Variants in LMBRD2 observed in about 807,000 individuals in gnomAD.
LMBRD2 encodes the protein LMBR1 domain containing 2, also known as G protein-coupled receptor-associated protein LMBRD2.
Under a neutral mutation model 94.4 loss-of-function variants are expected in LMBRD2, and 55 were observed. The observed-to-expected ratio is 0.58, with a 90% CI of 0.47 to 0.73. The LOEUF is 0.73. Ranked by LOEUF, LMBRD2 falls within the 30% of genes least tolerant of loss-of-function variation. The pLI is 0.00. For missense variants in LMBRD2, 640 were observed against 831.9 expected, an observed-to-expected ratio of 0.77 and a Z score of 2.84; for synonymous variants, 246 against 272.4, an observed-to-expected ratio of 0.90 and a Z score of 0.95.
rs1047788407 is a variant in LMBRD2 at position 36,103,907 on chromosome 5, A to G, written c.*139T>C. On this transcript the variant is annotated 3_prime_UTR_variant, in exon 18 of 18. Coordinates refer to ENST00000296603, the MANE Select transcript of LMBRD2 (RefSeq NM_001007527.2). ...CACATTAAACTATTATTCCTAAGATATAATTAATTCTCAGTGCCTTTTTTG... is the reference window on the plus strand; with the variant it reads ...CACATTAAACTATTATTCCTAAGATGTAATTAATTCTCAGTGCCTTTTTTG... 7 of 595,982 alleles carry G rather than the reference A, an allele frequency of 1.2e-5. No homozygotes were observed. In the South Asian group the frequency reaches 1.4e-4, roughly 12 times the overall value. 36.9% of individuals were successfully genotyped at this position (595,982 alleles called of 1,614,324 possible).
chr5:36,103,873 T>G lies in LMBRD2; in HGVS notation c.*173A>C. On this transcript the variant is annotated 3_prime_UTR_variant, in exon 18 of 18. Coordinates refer to ENST00000296603, the MANE Select transcript of LMBRD2 (RefSeq NM_001007527.2). ...AATCTTGTTGAAAAAGGTGATACTC[T>G]ATTCAATGCACATTAAACTATTATT... 2.0e-6 allele frequency: 1 copy of G among 504,544 alleles called. No individual in the cohort carries two copies. The highest frequency in any genetic ancestry group is 3.6e-6 in the Non-Finnish European group (1 of 276,692). The allele number at this position is 504,544 out of a possible 1,614,324, so 31.3% of individuals were successfully genotyped here.
At chr5:36,109,217 T>C (rs1367001543) in intron 15 of LMBRD2, among the ~76,000 whole-genome samples, 1 of 152,130 alleles carries the variant, frequency 6.6e-6, no homozygotes, top group East Asian at 1.9e-4. Flanking sequence ...CCTTGCCAGA[T>C]GCTTTTTGGC....
Position 36,103,505 on chromosome 5 carries a change from C to T in LMBRD2, c.*541G>A, listed in dbSNP as rs1374189209. The T allele has an allele frequency of 6.6e-6, 1 of 152,214 alleles. No homozygotes were observed. The highest frequency in any genetic ancestry group is 2.4e-5 in the African/African-American group (1 of 41,376). The allele number at this position is 152,214 out of a possible 1,614,324, so 9.4% of individuals were successfully genotyped here. Reference sequence around the variant, plus strand: ...GTTTGCAAACAGATTTGAAAAAGCACTTTTTACATTCAGTTATGTCTAGTA... The same window carrying T: ...GTTTGCAAACAGATTTGAAAAAGCATTTTTTACATTCAGTTATGTCTAGTA... On this transcript the variant is annotated 3_prime_UTR_variant, in exon 18 of 18. Coordinates refer to ENST00000296603, the MANE Select transcript of LMBRD2 (RefSeq NM_001007527.2).
rs772687998 is a variant in LMBRD2 at position 36,143,243 on chromosome 5, A to G, written c.107T>C (p.Ile36Thr). The change falls in exon 2 of 18, where the codon ATT (isoleucine) becomes ACT (threonine). Residue 36 changes from isoleucine (I) to threonine (T), a missense_variant. Physicochemically the swap from Ile to Thr is moderately conservative, Grantham distance 89 (BLOSUM62 -1). Coordinates refer to ENST00000296603, the MANE Select transcript of LMBRD2 (RefSeq NM_001007527.2). ...DFKKQHRLVI[I>T]GTLLAWYLCF... Reference sequence around the variant, plus strand: ...GAGATACCAAGCAAGCAGTGTTCCAATAATCACAAGTCTATGCTGTTTCTT... The same window carrying G: ...GAGATACCAAGCAAGCAGTGTTCCAGTAATCACAAGTCTATGCTGTTTCTT... 5 of 1,613,202 alleles carry G rather than the reference A, an allele frequency of 3.1e-6. No individual in the cohort carries two copies. The South Asian group carries it at 5.5e-5, about 18-fold the overall frequency.
intron 4 of LMBRD2, among the ~76,000 whole-genome samples, chr5:36,139,748 C>T (rs755359203): frequency 6.6e-6 from 1 of 152,148 alleles, no homozygotes; most frequent in African/African-American, 2.4e-5. Context: ...GCTACCCACT[C>T]TGGGGCTCCT....
At chr5:36,108,500 A>G in intron 16 of LMBRD2, 34 bp downstream of exon 16, 1 of 1,158,466 alleles carries the variant, frequency 8.6e-7, no homozygotes, top group Non-Finnish European at 1.3e-6. Context: ...ATAAGAAAAC[A>G]ATTTCCAAGT....
Position 36,122,456 on chromosome 5 carries a change from T to A in LMBRD2, c.944A>T (p.Tyr315Phe), listed in dbSNP as rs969701244. The part of the protein sequence containing the change: ...SLVKLHKQVI[Y>F]SVQRHRRTQV... ...AGTTCGACGGTGTCTCTGAACTGAA[T>A]AAATCACCTAAAAAAGAGAATGGGG... Residue 315 changes from tyrosine to phenylalanine, a missense_variant, in exon 9 of 18, where the codon TAT (tyrosine) becomes TTT (phenylalanine). Transcript: ENST00000296603. 2 of 1,610,866 alleles carry A rather than the reference T, an allele frequency of 1.2e-6. No homozygotes were observed. Among genetic ancestry groups the A allele is most frequent in the Non-Finnish European group, 1.7e-6 (2 of 1,178,996 alleles).
Position 36,114,406 on chromosome 5 carries a change from C to T in LMBRD2, c.1640+18G>A. On this transcript the variant is annotated intron_variant, in intron 13 of 17. Transcript: ENST00000296603. The stretch of plus-strand genomic sequence containing the variant: ...CCAGATTTAAGAGCAAAAGAAAAAA[C>T]AATGTTAAGTTTCTTACCTAAAATA... 2.6e-6 allele frequency: 4 copies of T among 1,547,286 alleles called. No homozygotes were observed. Among genetic ancestry groups the T allele is most frequent in the Non-Finnish European group, 3.5e-6 (4 of 1,156,154 alleles).
chr5:36,150,909 G>A (rs1328577645), intron 1 of LMBRD2, among the ~76,000 whole-genome samples: 1 of 152,200 alleles, frequency 6.6e-6, no homozygotes, highest in South Asian at 2.1e-4. Context: ...ACCAGAGGGT[G>A]TGTCATACAG....
At chr5:36,121,049 C>T (rs906562711) in intron 9 of LMBRD2, among the ~76,000 whole-genome samples, 6 of 152,142 alleles carry the variant, frequency 3.9e-5, no homozygotes, top group Non-Finnish European at 5.9e-5. Context: ...TGATGGTACC[C>T]TAATTCATAT....
Position 36,111,267 on chromosome 5 carries a change from A to T in LMBRD2, c.1641-9T>A. The T allele has an allele frequency of 6.3e-7, 1 of 1,579,024 alleles. No individual in the cohort carries two copies. The highest frequency in any genetic ancestry group is 8.7e-7 in the Non-Finnish European group (1 of 1,150,828). On this transcript the variant is annotated splice_polypyrimidine_tract_variant and intron_variant, in intron 13 of 17. Transcript: ENST00000296603. ...AACAACGGGTTCCCAAACTAATAAA[A>T]GCAGATTTTTTAAAAAGACAAACAT...
At chr5:36,122,596 A>G (rs1183537169) in intron 8 of LMBRD2, 133 bp from the exon 9 acceptor site, 1 of 879,764 alleles carries the variant, frequency 1.1e-6, no homozygotes, top group East Asian at 2.7e-5. Flanking sequence ...GGCTGAGAAT[A>G]TTAATGTTCC....
At chr5:36,105,559 T>C (rs1240436791) in intron 16 of LMBRD2, among the ~76,000 whole-genome samples, 1 of 152,148 alleles carries the variant, frequency 6.6e-6, no homozygotes, top group Non-Finnish European at 1.5e-5. Context: ...ACCTCATTTC[T>C]TGGCTAGGAC....
rs867725596 is a variant in LMBRD2, at chr5:36,114,106, G to A, written c.1640+318C>T. ...GACATAAGGGTGTTTTGCAGGCTAC[G>A]ATAGCTGTCAGTGTCAAAGGCCAGG... On this transcript the variant is annotated intron_variant, in intron 13 of 17. Transcript: ENST00000296603. 1.4e-4 allele frequency among the ~76,000 whole-genome samples: 21 copies of A among 152,198 alleles called. No homozygotes were observed. The Middle Eastern group carries it at 0.017, about 123-fold the overall frequency.
chr5:36,105,328 C>G, intron 16 of LMBRD2, 131 bp from the exon 17 acceptor site: 1 of 768,784 alleles, frequency 1.3e-6, no homozygotes, highest in Non-Finnish European at 2.1e-6. Flanking sequence ...GAAAAGATAA[C>G]TACATGGTTC....
intron 9 of LMBRD2, among the ~76,000 whole-genome samples, chr5:36,118,308 C>T (rs1211114677): frequency 1.3e-5 from 2 of 152,158 alleles, no homozygotes; most frequent in African/African-American, 4.8e-5. Flanking sequence ...TTAGAGGAAA[C>T]TAAGGAGACA....
At chr5:36,138,299 G>C (rs1375050807) in intron 4 of LMBRD2, among the ~76,000 whole-genome samples, 1 of 152,190 alleles carries the variant, frequency 6.6e-6, no homozygotes, top group Non-Finnish European at 1.5e-5. Flanking sequence ...ATCAAATATA[G>C]AGAATTTATT....
chr5:36,122,276 A>G lies in LMBRD2; in HGVS notation c.1120+4T>C. Reference sequence around the variant, plus strand: ...AAGTTTGAAATTTATATCAAATTACATACCAAATGTAGGATTATAAAAATA... The same window carrying G: ...AAGTTTGAAATTTATATCAAATTACGTACCAAATGTAGGATTATAAAAATA... On this transcript the variant is annotated splice_donor_region_variant and intron_variant, in intron 9 of 17. Transcript: ENST00000296603. 1 of 1,559,396 alleles carries G rather than the reference A, an allele frequency of 6.4e-7. No individual in the cohort carries two copies. The highest frequency in any genetic ancestry group is 1.2e-5 in the South Asian group (1 of 82,696).
At chr5:36,132,399 G>C (rs887951801) in intron 6 of LMBRD2, among the ~76,000 whole-genome samples, 3 of 151,908 alleles carry the variant, frequency 2.0e-5, no homozygotes, top group Admixed American at 1.3e-4. Flanking sequence ...ATTGGACTGG[G>C]CAAAAATTTA....
Sources: allele counts gnomAD v4.1 joint callset (sites outside exome capture counted in the v4.1 genomes callset), GRCh38; gene constraint gnomAD v4.1.1; transcripts MANE v1.5; gene names NCBI Gene and HGNC (gene_info 2026-07-23, HGNC 2026-07-21).